Variants in NDUFAF6 observed in about 807,000 individuals in gnomAD.
NDUFAF6 encodes NADH dehydrogenase (ubiquinone) complex I, assembly factor 6.
In NDUFAF6, 45 loss-of-function variants were observed where a neutral mutation model predicts 40.8. The observed-to-expected ratio is 1.10, with a 90% CI of 0.87 to 1.42. The LOEUF (loss-of-function observed/expected upper bound fraction) is 1.42. NDUFAF6 is among the 40% of genes most tolerant of loss of function. NDUFAF6 has a pLI of 0.00. For missense variants in NDUFAF6, 435 were observed against 418.5 expected (o/e 1.04, Z -0.34); for synonymous variants, 185 against 155.9 (o/e 1.19, Z -1.39).
chr8:95,027,140 A>G (rs1254117288), intron 1 of NDUFAF6, among the ~76,000 whole-genome samples: 2 of 152,206 alleles, frequency 1.3e-5, no homozygotes, highest in Non-Finnish European at 2.9e-5. Flanking sequence ...TGTATTTACA[A>G]ATGGTCAGTT....
intron 2 of NDUFAF6, among the ~76,000 whole-genome samples, chr8:95,094,664 C>T (rs1041861196): frequency 1.3e-4 from 19 of 151,894 alleles, no homozygotes; most frequent in African/African-American, 3.6e-4. Context: ...ATCTGCCCAC[C>T]TCGGCCTCCC....
At chr8:95,014,944 A>C (rs1257315390) in intron 2 of NDUFAF6, among the ~76,000 whole-genome samples, 1 of 152,150 alleles carries the variant, frequency 6.6e-6, no homozygotes, top group Non-Finnish European at 1.5e-5. Flanking sequence ...TCTACCATCT[A>C]TATAATCCCC....
chr8:95,108,447 C>A (rs919092614), downstream of NDUFAF6, among the ~76,000 whole-genome samples: 4 of 151,958 alleles, frequency 2.6e-5, no homozygotes, highest in African/African-American at 9.7e-5. Context: ...GTAAAATAAG[C>A]CAGATACAAA....
chr8:94,923,261 G>T (rs1280060337), intron 1 of NDUFAF6, among the ~76,000 whole-genome samples: 1 of 152,148 alleles, frequency 6.6e-6, no homozygotes, highest in East Asian at 1.9e-4. Flanking sequence ...TTGCTATATA[G>T]AGTCTGTGGA....
At chr8:94,903,826 C>A (rs1364427565) in intron 1 of NDUFAF6, among the ~76,000 whole-genome samples, 1 of 152,172 alleles carries the variant, frequency 6.6e-6, no homozygotes, top group Non-Finnish European at 1.5e-5. Flanking sequence ...ACTCACTCCT[C>A]CCCACCCTGT....
At chr8:95,013,059 G>A (rs531502853) in intron 2 of NDUFAF6, among the ~76,000 whole-genome samples, 64 of 151,876 alleles carry the variant, frequency 4.2e-4, no homozygotes, top group African/African-American at 1.5e-3. Flanking sequence ...CAAAGGAATG[G>A]TACTTGTAAG....
chr8:94,916,152 G>A (rs1205735247), intron 1 of NDUFAF6, among the ~76,000 whole-genome samples: 1 of 152,170 alleles, frequency 6.6e-6, no homozygotes, highest in Non-Finnish European at 1.5e-5. Flanking sequence ...GAAGTAGCAA[G>A]ATAGTGTAGA....
At chr8:95,085,558 C>G (rs1809016616) in intron 2 of NDUFAF6, 1 of 152,128 alleles carries the variant, frequency 6.6e-6, no homozygotes, top group African/African-American at 2.4e-5. Context: ...CACGCTGGCA[C>G]TTGCCTGTAG....
At chr8:95,043,251 AT>A (rs368450114) in intron 4 of NDUFAF6, among the ~76,000 whole-genome samples, 4,665 of 145,008 alleles carry the variant, frequency 0.032, 236 homozygotes, top group African/African-American at 0.11. Context: ...CACTCGGCTA[AT>A]TTTTTTTTTT....
At chr8:95,094,268 G>A (rs1277801657) in intron 2 of NDUFAF6, among the ~76,000 whole-genome samples, 6 of 151,972 alleles carry the variant, frequency 3.9e-5, no homozygotes, top group Admixed American at 3.9e-4. Flanking sequence ...CACCACACCC[G>A]ACCAAGAAAT....
chr8:94,989,466 G>A (rs1471074641), intron 2 of NDUFAF6: 1 of 152,146 alleles, frequency 6.6e-6, no homozygotes, highest in Non-Finnish European at 1.5e-5. Context: ...TGGCTGGTTT[G>A]TAAGATCCTT....
intron 1 of NDUFAF6, among the ~76,000 whole-genome samples, chr8:94,970,379 C>CTA (rs1297116954): frequency 6.6e-6 from 1 of 150,958 alleles, no homozygotes; most frequent in Non-Finnish European, 1.5e-5. Flanking sequence ...TCCTAAGAAA[C>CTA]TAAGCCAAAA....
rs138462477 is a variant in NDUFAF6, at chr8:94,972,180, T to C, written c.-198-8679T>C. Reference sequence around the variant, plus strand: ...TGAAAAGTCCAACCAGGTTATTCTTTAACTGTTTTGGTCCATGGAGTAGCA... The same window carrying C: ...TGAAAAGTCCAACCAGGTTATTCTTCAACTGTTTTGGTCCATGGAGTAGCA... On this transcript the variant is annotated intron_variant, in intron 1 of 9. Coordinates refer to the NDUFAF6 transcript ENST00000396111. Among the ~76,000 whole-genome samples, 758 of 152,302 alleles carry C rather than the reference T, an allele frequency of 5.0e-3. 7 individuals are homozygous for C. The highest frequency in any genetic ancestry group is 0.016 in the African/African-American group (669 of 41,560).
intron 1 of NDUFAF6, among the ~76,000 whole-genome samples, chr8:94,965,993 T>C (rs11782818): frequency 0.13 from 19,939 of 152,200 alleles, 1,644 homozygotes; most frequent in Middle Eastern, 0.23. Flanking sequence ...GAGTCAGGAT[T>C]GGAAACTATA....
intron 2 of NDUFAF6, among the ~76,000 whole-genome samples, chr8:94,987,362 G>C (rs1372232982): frequency 6.6e-6 from 1 of 152,058 alleles, no homozygotes; most frequent in Non-Finnish European, 1.5e-5. Context: ...CTTGTTTCCA[G>C]TCCCTTCAGA....
chr8:95,021,301 G>A (rs556465021), upstream of NDUFAF6, among the ~76,000 whole-genome samples: 2 of 152,326 alleles, frequency 1.3e-5, no homozygotes, highest in South Asian at 4.1e-4. Context: ...AGCACACAAG[G>A]ACAATCCAGA....
chr8:95,057,601 A>G lies in NDUFAF6; in HGVS notation c.874-208A>G, dbSNP rs6987951. On this transcript the variant is annotated intron_variant, in intron 8 of 8. Transcript: ENST00000396124. ...GCAGAAGAGGCTTGGCTTTTCTGGT[A>G]CTAGCTCTGTGATACCCTTTTACTG... Among the ~76,000 whole-genome samples the G allele has an allele frequency of 0.018, 2,669 of 152,296 alleles. 80 individuals are homozygous for G. Among genetic ancestry groups the G allele is most frequent in the African/African-American group, 0.059 (2,472 of 41,554 alleles).
intron 2 of NDUFAF6, chr8:94,949,144 C>CA (rs540255710): frequency 1.2e-3 from 175 of 149,660 alleles, no homozygotes; most frequent in Non-Finnish European, 2.3e-3. Context: ...CGCCCCCCCC[C>CA]GGCACTTACG....
chr8:94,900,457 C>T (rs1230262648), intron 1 of NDUFAF6, among the ~76,000 whole-genome samples: 5 of 152,044 alleles, frequency 3.3e-5, no homozygotes, highest in African/African-American at 1.2e-4. Flanking sequence ...CACTTGGCTG[C>T]CACCTCAGAG....
Sources: allele counts gnomAD v4.1 joint callset (sites outside exome capture counted in the v4.1 genomes callset), GRCh38; gene constraint gnomAD v4.1.1; transcripts MANE v1.5; gene names NCBI Gene and HGNC (gene_info 2026-07-23, HGNC 2026-07-21).